The following HDX variants were observed in gnomAD, a reference collection of about 807,000 sequenced individuals.
The protein encoded by HDX is highly divergent homeobox, also known as chromosome X open reading frame 43.
HDX carries 19 observed loss-of-function variants against 45.2 expected under a neutral mutation model. The observed-to-expected ratio is 0.42, with a 90% CI of 0.29 to 0.62. HDX has a LOEUF of 0.62. Among genes scored for constraint, HDX ranks in the 20% least tolerant of loss-of-function variants. The pLI, the probability that HDX is intolerant of heterozygous loss-of-function variation, is 0.20. For missense variants in HDX, 532 were observed against 493.9 expected (o/e 1.08, Z -0.73); for synonymous variants, 188 against 172.8 (o/e 1.09, Z -0.69).
chrX:84,323,124 A>AT (rs1415323743), intron 10 of HDX, among the ~76,000 whole-genome samples: 1 of 111,093 alleles, frequency 9.0e-6, no homozygotes, highest in Non-Finnish European at 1.9e-5. Context: ...AAACATTCTC[A>AT]TTTTTATCAG....
chrX:84,462,237 T>C (rs2040253050), intron 4 of HDX, among the ~76,000 whole-genome samples: 1 of 112,129 alleles, frequency 8.9e-6, no homozygotes, highest in Non-Finnish European at 1.9e-5. Flanking sequence ...TGCAGCACTA[T>C]TCACAATAGA....
chrX:84,481,665 T>G (rs1300618054), intron 2 of HDX, among the ~76,000 whole-genome samples: 1 of 111,864 alleles, frequency 8.9e-6, no homozygotes, highest in Admixed American at 9.5e-5. Context: ...TTTTTTTAAT[T>G]CTTAAATTTC....
chrX:84,392,471 G>A (rs1486711900), intron 5 of HDX, among the ~76,000 whole-genome samples: 3 of 111,063 alleles, frequency 2.7e-5, no homozygotes, highest in Non-Finnish European at 5.7e-5. Flanking sequence ...TGGTATCGTG[G>A]TAGGGATTGC....
intron 4 of HDX, among the ~76,000 whole-genome samples, chrX:84,462,604 A>C (rs945566150): frequency 9.0e-6 from 1 of 111,616 alleles, no homozygotes; most frequent in African/African-American, 3.3e-5. Context: ...TTCTTTTGAT[A>C]CTAAAGAAAA....
At chrX:84,476,325 AG>A (rs1275935891) in intron 2 of HDX, among the ~76,000 whole-genome samples, 5 of 110,573 alleles carry the variant, frequency 4.5e-5, no homozygotes, top group Non-Finnish European at 5.7e-5. Context: ...TAATCCCAAA[AG>A]TTGACAGAAA....
At chrX:84,444,280 A>G (rs1387062494) in intron 4 of HDX, among the ~76,000 whole-genome samples, 1 of 111,371 alleles carries the variant, frequency 9.0e-6, no homozygotes, top group Non-Finnish European at 1.9e-5. Flanking sequence ...TTTATATCTA[A>G]TTCTGTAGAA....
intron 5 of HDX, among the ~76,000 whole-genome samples, chrX:84,417,785 G>C (rs1421822342): frequency 1.8e-5 from 2 of 111,971 alleles, no homozygotes; most frequent in Non-Finnish European, 3.8e-5. Flanking sequence ...GTCTCACACA[G>C]AACACTGATG....
chrX:84,368,948 C>T (rs1180167786), intron 5 of HDX, among the ~76,000 whole-genome samples: 1 of 110,774 alleles, frequency 9.0e-6, no homozygotes, highest in Non-Finnish European at 1.9e-5. Flanking sequence ...TAATTGAGTG[C>T]CGCCACTGAT....
intron 5 of HDX, among the ~76,000 whole-genome samples, chrX:84,432,942 A>C (rs1395440153): frequency 9.0e-6 from 1 of 111,363 alleles, no homozygotes; most frequent in Non-Finnish European, 1.9e-5. Flanking sequence ...CCCAATCAGT[A>C]TAATGTCAGC....
rs183782767 is a variant in HDX, at chrX:84,403,324, G to T, written c.1305+37208C>A. The stretch of plus-strand genomic sequence containing the variant: ...CTTTTAGATTTTTTTCTATGTAATA[G>T]TAAACAAAGCTAAATTTTATTTTGA... On this transcript the variant is annotated intron_variant, in intron 5 of 10. Transcript: ENST00000373177. Among the ~76,000 whole-genome samples the T allele has an allele frequency of 8.5e-3, 945 of 111,094 alleles. 3 individuals are homozygous for T. The highest frequency in any genetic ancestry group is 0.014 in the Non-Finnish European group (721 of 52,852).
chrX:84,327,788 C>T (rs764266455), intron 9 of HDX, among the ~76,000 whole-genome samples: 2 of 110,950 alleles, frequency 1.8e-5, no homozygotes, highest in African/African-American at 6.5e-5. Context: ...AAAAAGAAAA[C>T]TTTTATTTTA....
intron 2 of HDX, among the ~76,000 whole-genome samples, chrX:84,480,441 G>A (rs7881326): frequency 0.036 from 4,017 of 111,446 alleles, 169 homozygotes; most frequent in African/African-American, 0.12. Flanking sequence ...GAGGGAAAGC[G>A]TTAAATCTTT....
intron 2 of HDX, among the ~76,000 whole-genome samples, chrX:84,483,878 C>G: frequency 9.0e-6 from 1 of 111,570 alleles, no homozygotes; most frequent in South Asian, 3.8e-4. Flanking sequence ...TTTCACAGAT[C>G]TTTAGGGAAG....
rs1282636270 is a variant in HDX, at chrX:84,320,143, G to A, written c.*1746C>T. The A allele has an allele frequency of 9.0e-6, 1 of 110,958 alleles. No homozygotes were observed. The highest frequency in any genetic ancestry group is 1.9e-5 in the Non-Finnish European group (1 of 52,399). The allele number at this position is 110,958 out of a possible 1,213,427, so 9.1% of individuals were successfully genotyped here. On this transcript the variant is annotated 3_prime_UTR_variant, in exon 11 of 11. Coordinates refer to ENST00000373177, the MANE Select transcript of HDX (RefSeq NM_001177479.2). ...TGGGGGCGACTCTTCATCTCATGGA[G>A]GAGTTGGTGTGACTGGTACATTTAA...
chrX:84,419,600 G>T (rs2039200544), intron 5 of HDX, among the ~76,000 whole-genome samples: 1 of 112,175 alleles, frequency 8.9e-6, no homozygotes, highest in African/African-American at 3.2e-5. Flanking sequence ...GCCATTCTAA[G>T]GGGAAAGACA....
intron 5 of HDX, among the ~76,000 whole-genome samples, chrX:84,420,616 A>G (rs764340896): frequency 4.9e-4 from 55 of 111,925 alleles, no homozygotes; most frequent in African/African-American, 1.2e-3. Flanking sequence ...CTAGAGAAAG[A>G]TATCAATATC....
intron 4 of HDX, among the ~76,000 whole-genome samples, chrX:84,457,883 A>G (rs903859846): frequency 3.6e-5 from 4 of 112,047 alleles, no homozygotes; most frequent in Non-Finnish European, 7.5e-5. Context: ...TTTCTTGATC[A>G]TAAGAAAAAA....
At chrX:84,457,693 T>A (rs186031615) in intron 4 of HDX, among the ~76,000 whole-genome samples, 8 of 112,063 alleles carry the variant, frequency 7.1e-5, no homozygotes, top group Admixed American at 1.9e-4. Flanking sequence ...AGCTGTAACT[T>A]CTTCTGATGT....
At chrX:84,460,885 C>A (rs909069123) in intron 4 of HDX, among the ~76,000 whole-genome samples, 2 of 111,723 alleles carry the variant, frequency 1.8e-5, no homozygotes, top group African/African-American at 6.5e-5. Flanking sequence ...TGTAGCATTT[C>A]TAAATGCTAA....
Sources: allele counts gnomAD v4.1 joint callset (sites outside exome capture counted in the v4.1 genomes callset), GRCh38; gene constraint gnomAD v4.1.1; transcripts MANE v1.5; gene names NCBI Gene and HGNC (gene_info 2026-07-23, HGNC 2026-07-21).